TBC1D5: variants seen among roughly 807,000 people sequenced by gnomAD.
TBC1D5 encodes the protein TBC1 domain family, member 5.
In TBC1D5, 75 loss-of-function variants were observed where a neutral mutation model predicts 100.3. That is an observed-to-expected ratio of 0.75 (90% CI 0.62 to 0.91). The LOEUF is 0.91. TBC1D5 is among the 40% of genes least tolerant of loss of function. The probability of loss-of-function intolerance (pLI) is 0.00; values close to 1 mark genes in which losing one functional copy is unlikely to be tolerated. For missense variants in TBC1D5, 910 were observed against 942.4 expected (o/e 0.97, Z 0.45); for synonymous variants, 323 against 325.6 (o/e 0.99, Z 0.09).
intron 4 of TBC1D5, among the ~76,000 whole-genome samples, chr3:17,413,780 C>G (rs564503555): frequency 1.3e-5 from 2 of 152,244 alleles, no homozygotes; most frequent in African/African-American, 4.8e-5. Flanking sequence ...GTTTCTATCC[C>G]ATTTTTAAGC....
chr3:17,221,925 C>T (rs2252237), intron 17 of TBC1D5, among the ~76,000 whole-genome samples: 62,202 of 152,006 alleles, frequency 0.41, 13,425 homozygotes, highest in Middle Eastern at 0.49. Flanking sequence ...AAGTTGTATA[C>T]AGTAGTCTCT....
chr3:17,233,354 T>G (rs1016906410), intron 17 of TBC1D5, among the ~76,000 whole-genome samples: 2 of 152,188 alleles, frequency 1.3e-5, no homozygotes, highest in African/African-American at 2.4e-5. Context: ...AGAGCACCAG[T>G]GTAACAAAAA....
chr3:17,172,327 A>G (rs2067242849), intron 19 of TBC1D5, among the ~76,000 whole-genome samples: 1 of 152,214 alleles, frequency 6.6e-6, no homozygotes, highest in African/African-American at 2.4e-5. Flanking sequence ...CAAACATTCT[A>G]CTTACATATA....
chr3:17,496,675 A>G (rs2095711657), intron 3 of TBC1D5, among the ~76,000 whole-genome samples: 1 of 152,188 alleles, frequency 6.6e-6, no homozygotes, highest in South Asian at 2.1e-4. Flanking sequence ...AAACAAACCA[A>G]CTGGTGTGGA....
intron 3 of TBC1D5, among the ~76,000 whole-genome samples, chr3:17,476,895 T>G (rs1220034108): frequency 1.3e-5 from 2 of 152,012 alleles, no homozygotes; most frequent in African/African-American, 4.8e-5. Flanking sequence ...TATTTGTAAG[T>G]GCGACTGATT....
intron 3 of TBC1D5, among the ~76,000 whole-genome samples, chr3:17,435,206 C>T (rs964627330): frequency 3.3e-5 from 5 of 152,194 alleles, no homozygotes; most frequent in Admixed American, 6.5e-5. Context: ...CTGTCTTCTT[C>T]TGAGCCCTCA....
At chr3:17,571,309 A>G (rs896196445) in intron 2 of TBC1D5, among the ~76,000 whole-genome samples, 2 of 151,982 alleles carry the variant, frequency 1.3e-5, no homozygotes, top group African/African-American at 4.8e-5. Flanking sequence ...ATGCATACCT[A>G]TAATTGTCAT....
At chr3:17,360,992 G>C (rs2091650440) in intron 13 of TBC1D5, among the ~76,000 whole-genome samples, 1 of 151,950 alleles carries the variant, frequency 6.6e-6, no homozygotes, top group South Asian at 2.1e-4. Flanking sequence ...GGAACAAAAA[G>C]AGACATCCTG....
At chr3:17,675,059 T>C (rs924592406) in intron 1 of TBC1D5, among the ~76,000 whole-genome samples, 1 of 152,030 alleles carries the variant, frequency 6.6e-6, no homozygotes, top group Non-Finnish European at 1.5e-5. Flanking sequence ...ATTTGAATGG[T>C]TTAATGAAAA....
At chr3:17,375,564 T>TA (rs1559751070) in intron 10 of TBC1D5, among the ~76,000 whole-genome samples, 217 of 146,722 alleles carry the variant, frequency 1.5e-3, no homozygotes, top group African/African-American at 5.6e-3. Flanking sequence ...AACATAAAAT[T>TA]TAAAAAAAAA....
chr3:17,258,932 T>C (rs2078010788), intron 15 of TBC1D5, among the ~76,000 whole-genome samples: 1 of 152,128 alleles, frequency 6.6e-6, no homozygotes, highest in African/African-American at 2.4e-5. Flanking sequence ...CCACAAACTA[T>C]GCCAAGGGAT....
At chr3:17,720,376 T>C (rs1416957300) in intron 1 of TBC1D5, among the ~76,000 whole-genome samples, 1 of 152,168 alleles carries the variant, frequency 6.6e-6, no homozygotes, top group Non-Finnish European at 1.5e-5. Context: ...TAATAAAAAA[T>C]ATGGTTTAAA....
chr3:17,407,159 T>C (rs2093792846), intron 4 of TBC1D5, among the ~76,000 whole-genome samples: 1 of 152,156 alleles, frequency 6.6e-6, no homozygotes, highest in Non-Finnish European at 1.5e-5. Flanking sequence ...GCAGTACCTA[T>C]GGCTGAGTAG....
At chr3:17,495,920 T>C (rs2095701503) in intron 3 of TBC1D5, among the ~76,000 whole-genome samples, 1 of 152,236 alleles carries the variant, frequency 6.6e-6, no homozygotes, top group Admixed American at 6.5e-5. Flanking sequence ...TTCCAGGATG[T>C]ATGTTCCCCT....
intron 13 of TBC1D5, among the ~76,000 whole-genome samples, chr3:17,336,855 T>C (rs1203155398): frequency 6.6e-6 from 1 of 152,148 alleles, no homozygotes; most frequent in African/African-American, 2.4e-5. Context: ...AAATTTGGTA[T>C]GTTTGAGTTT....
chr3:17,505,071 A>T (rs1372567707), intron 3 of TBC1D5, among the ~76,000 whole-genome samples: 2 of 152,226 alleles, frequency 1.3e-5, no homozygotes, highest in Non-Finnish European at 2.9e-5. Context: ...TAAGTTGCCA[A>T]ATATTTTATG....
intron 17 of TBC1D5, among the ~76,000 whole-genome samples, chr3:17,218,120 CATAA>C (rs746370513): frequency 2.0e-4 from 30 of 152,170 alleles, no homozygotes; most frequent in Non-Finnish European, 3.7e-4. Context: ...ACTCTTTCCA[CATAA>C]ATAATCTTGG....
intron 2 of TBC1D5, among the ~76,000 whole-genome samples, chr3:17,604,893 C>T (rs1425076269): frequency 6.6e-6 from 1 of 152,176 alleles, no homozygotes; most frequent in African/African-American, 2.4e-5. Flanking sequence ...CCAGGCTGGA[C>T]TCCAACTCCG....
chr3:17,264,854 T>C (rs2078687964), intron 15 of TBC1D5, among the ~76,000 whole-genome samples: 2 of 152,230 alleles, frequency 1.3e-5, no homozygotes, highest in African/African-American at 2.4e-5. Context: ...TTGATACCAC[T>C]GAGCACTGAC....
Sources: allele counts gnomAD v4.1 joint callset (sites outside exome capture counted in the v4.1 genomes callset), GRCh38; gene constraint gnomAD v4.1.1; transcripts MANE v1.5; gene names NCBI Gene and HGNC (gene_info 2026-07-23, HGNC 2026-07-21).